SKIC2: variants seen among roughly 807,000 people sequenced by gnomAD.
SKIC2 encodes superkiller complex protein 2.
At chr6:31,960,861 T>G in the SKIC2 span, 1 of 932,236 alleles carries the variant, frequency 1.1e-6, no homozygotes, top group Non-Finnish European at 1.7e-6. Flanking sequence ...ATAACAACCT[T>G]TACTGTCATC....
chr6:31,966,890 CAA>C, the SKIC2 span: 1 of 1,613,628 alleles, frequency 6.2e-7, no homozygotes, highest in Non-Finnish European at 8.5e-7. The surrounding 1 kb of genome is among the most constrained non-coding windows in gnomAD (Gnocchi z 5.9). Flanking sequence ...GGAGGTTGGC[CAA>C]AGACAGGCTG....
the SKIC2 span, chr6:31,965,800 G>C: frequency 6.2e-7 from 1 of 1,609,988 alleles, no homozygotes; most frequent in Non-Finnish European, 8.5e-7. The surrounding 1 kb of genome is among the most constrained non-coding windows in gnomAD (Gnocchi z 5.6). Flanking sequence ...TTGCCACAGA[G>C]ACCTTTGCCA....
chr6:31,960,810 C>T, the SKIC2 span: 1 of 1,206,066 alleles, frequency 8.3e-7, no homozygotes, highest in Non-Finnish European at 1.2e-6. Flanking sequence ...ACTGCTAGCC[C>T]TCCCATGTTT....
At chr6:31,961,219 C>A in the SKIC2 span, 1 of 1,614,116 alleles carries the variant, frequency 6.2e-7, no homozygotes, top group Non-Finnish European at 8.5e-7. Context: ...AGCTCCTGGA[C>A]TACTAAGCCT....
chr6:31,968,702 A>G, the SKIC2 span: 1 of 1,612,642 alleles, frequency 6.2e-7, no homozygotes, highest in Non-Finnish European at 8.5e-7. The surrounding 1 kb of genome is among the most constrained non-coding windows in gnomAD (Gnocchi z 6.1). Flanking sequence ...AAGCTGCGGG[A>G]GCGAATGCAG....
At chr6:31,959,313 T>C in the SKIC2 span, 2 of 1,613,318 alleles carry the variant, frequency 1.2e-6, no homozygotes, top group Non-Finnish European at 1.7e-6. Flanking sequence ...CCCCTCCAGA[T>C]CCCCTGGACC....
chr6:31,968,075 A>G, the SKIC2 span: 9 of 1,612,954 alleles, frequency 5.6e-6, no homozygotes, highest in Non-Finnish European at 5.9e-6. This position sits in a 1 kb window ranked among gnomAD's most constrained non-coding sequence, Gnocchi z 6.1. Flanking sequence ...GCAGCAGCCA[A>G]AATTCAAGTC....
At chr6:31,963,390 C>G in the SKIC2 span, 4 of 1,524,492 alleles carry the variant, frequency 2.6e-6, no homozygotes, top group African/African-American at 4.2e-5. This position sits in a 1 kb window ranked among gnomAD's most constrained non-coding sequence, Gnocchi z 5.3. Flanking sequence ...CACCCCTGAC[C>G]TGCTTCCCTC....
At chr6:31,961,660 C>T in the SKIC2 span, 1 of 1,612,510 alleles carries the variant, frequency 6.2e-7, no homozygotes, top group South Asian at 1.1e-5. Context: ...GCCTCATTCC[C>T]CAGCCAGCCT....
the SKIC2 span, chr6:31,961,031 T>C: frequency 6.2e-7 from 1 of 1,601,986 alleles, no homozygotes; most frequent in Non-Finnish European, 8.5e-7. Flanking sequence ...TTCATGTCCC[T>C]ATCCTACAGA....
the SKIC2 span, chr6:31,969,692 G>T: frequency 6.3e-5 from 101 of 1,601,976 alleles, no homozygotes; most frequent in African/African-American, 1.2e-3. The surrounding 1 kb of genome is among the most constrained non-coding windows in gnomAD (Gnocchi z 6.1). Context: ...CATCGTATTT[G>T]CGGCCAGCCT....
the SKIC2 span, chr6:31,961,111 G>C: frequency 6.2e-7 from 1 of 1,612,700 alleles, no homozygotes; most frequent in Non-Finnish European, 8.5e-7. Context: ...TTTAGTTTTT[G>C]AGTGGGGTGT....
At chr6:31,963,959 C>T in the SKIC2 span, 119 of 1,612,176 alleles carry the variant, frequency 7.4e-5, no homozygotes, top group Non-Finnish European at 9.7e-5. The surrounding 1 kb of genome is among the most constrained non-coding windows in gnomAD (Gnocchi z 5.3). Context: ...CGCACACGTG[C>T]CCAGTTGCCC....
At chr6:31,963,765 C>A in the SKIC2 span, 1 of 1,527,380 alleles carries the variant, frequency 6.5e-7, no homozygotes, top group Non-Finnish European at 8.9e-7. The surrounding 1 kb of genome is among the most constrained non-coding windows in gnomAD (Gnocchi z 5.3). Flanking sequence ...TACCTGCCAG[C>A]ACCTGTTTTT....
the SKIC2 span, chr6:31,963,989 C>T: frequency 6.2e-6 from 10 of 1,612,604 alleles, no homozygotes; most frequent in South Asian, 1.1e-5. The surrounding 1 kb of genome is among the most constrained non-coding windows in gnomAD (Gnocchi z 5.3). Context: ...TTCACCTTCT[C>T]CCGGGGCCGC....
the SKIC2 span, among the ~76,000 whole-genome samples, chr6:31,965,364 T>C: frequency 5.9e-5 from 9 of 151,876 alleles, no homozygotes; most frequent in Non-Finnish European, 1.3e-4. This position sits in a 1 kb window ranked among gnomAD's most constrained non-coding sequence, Gnocchi z 5.6. Context: ...GGGTTAGATG[T>C]GGCCACAGGA....
At chr6:31,962,491 T>G in the SKIC2 span, 4 of 1,614,144 alleles carry the variant, frequency 2.5e-6, no homozygotes, top group East Asian at 2.2e-5. This position sits in a 1 kb window ranked among gnomAD's most constrained non-coding sequence, Gnocchi z 5.0. Context: ...GTTCCGGGAC[T>G]TCCGAAACAC....
chr6:31,961,850 C>T, the SKIC2 span: 4 of 1,596,178 alleles, frequency 2.5e-6, no homozygotes, highest in South Asian at 1.1e-5. Context: ...GCTCCATGAG[C>T]AGGAGGCAGC....
the SKIC2 span, chr6:31,962,526 C>T: frequency 2.0e-5 from 32 of 1,614,092 alleles, 1 homozygote; most frequent in African/African-American, 1.1e-4. This position sits in a 1 kb window ranked among gnomAD's most constrained non-coding sequence, Gnocchi z 5.0. Flanking sequence ...GGCTGCTCAC[C>T]GGGGATGTAC....
Sources: allele counts gnomAD v4.1 joint callset (sites outside exome capture counted in the v4.1 genomes callset), GRCh38; gene constraint gnomAD v4.1.1; non-coding constraint Gnocchi (gnomAD v3.1); transcripts MANE v1.5; gene names NCBI Gene and HGNC (gene_info 2026-07-23, HGNC 2026-07-21).